The following PPA2 variants were observed in gnomAD, a reference collection of about 807,000 sequenced individuals.
PPA2 encodes inorganic pyrophosphatase 2, also known as inorganic pyrophosphatase 2, mitochondrial.
In PPA2, 48 loss-of-function variants were observed where a neutral mutation model predicts 49.5. The ratio of observed to expected loss-of-function variants is 0.97; its 90% confidence interval spans 0.77 to 1.23. The LOEUF (loss-of-function observed/expected upper bound fraction) is 1.23, where lower values mean the gene tolerates loss of function less well. PPA2 is among the 50% of genes most tolerant of loss of function. The probability of loss-of-function intolerance (pLI) is 0.00; values close to 1 mark genes in which losing one functional copy is unlikely to be tolerated. For synonymous variants in PPA2, 131 were observed against 139.9 expected, an observed-to-expected ratio of 0.94 and a Z score of 0.45; for missense variants, 429 against 410.1, an observed-to-expected ratio of 1.05 and a Z score of -0.40.
intron 9 of PPA2, among the ~76,000 whole-genome samples, chr4:105,389,691 C>A (rs1312916066): frequency 1.3e-5 from 2 of 151,932 alleles, no homozygotes; most frequent in African/African-American, 2.4e-5. Flanking sequence ...GAAGGGAAAC[C>A]ATTTTCTTCA....
At chr4:105,421,104 A>T (rs913171383) in intron 7 of PPA2, among the ~76,000 whole-genome samples, 1 of 152,208 alleles carries the variant, frequency 6.6e-6, no homozygotes, top group Admixed American at 6.5e-5. Context: ...CTGGGCAGTT[A>T]AGAGTTATTG....
chr4:105,473,885 G>A lies in PPA2; in HGVS notation c.157+9C>T, dbSNP rs1193788902. 5.7e-6 allele frequency: 9 copies of A among 1,592,584 alleles called. No individual in the cohort carries two copies. In the South Asian group the frequency reaches 8.9e-5, roughly 16 times the overall value. ...TGCGCCGCTCGGCGAACCTCCGGGA[G>A]CTACTTACTAAAGAAGAGGCGGTAA... On this transcript the variant is annotated intron_variant, in intron 1 of 11. Transcript: ENST00000341695.
intron 1 of PPA2, among the ~76,000 whole-genome samples, chr4:105,465,717 C>T (rs1371433447): frequency 6.6e-6 from 1 of 152,204 alleles, no homozygotes; most frequent in Non-Finnish European, 1.5e-5. Context: ...AGTCTTCGAG[C>T]ATTCAGTGTT....
At chr4:105,375,130 A>G (rs1420228367) in intron 10 of PPA2, among the ~76,000 whole-genome samples, 2 of 152,114 alleles carry the variant, frequency 1.3e-5, no homozygotes, top group Non-Finnish European at 2.9e-5. Flanking sequence ...ATTCATAAAG[A>G]AGACATAAAA....
intron 10 of PPA2, among the ~76,000 whole-genome samples, chr4:105,377,120 A>G (rs1397931436): frequency 6.6e-6 from 1 of 152,130 alleles, no homozygotes; most frequent in Non-Finnish European, 1.5e-5. Context: ...AGTCTCTGAA[A>G]GTAGGACTAA....
At chr4:105,407,408 G>A (rs534168101) in intron 7 of PPA2, among the ~76,000 whole-genome samples, 2 of 152,192 alleles carry the variant, frequency 1.3e-5, no homozygotes, top group East Asian at 1.9e-4. Flanking sequence ...AAATGGTAGA[G>A]CCACTCTGGT....
chr4:105,431,904 T>G (rs1199435292), intron 6 of PPA2, among the ~76,000 whole-genome samples: 2 of 152,076 alleles, frequency 1.3e-5, no homozygotes, highest in African/African-American at 2.4e-5. Flanking sequence ...GACAGTAAAT[T>G]AGTGGTTGCC....
intron 5 of PPA2, among the ~76,000 whole-genome samples, chr4:105,443,529 C>T (rs1406066336): frequency 6.8e-6 from 1 of 148,076 alleles, no homozygotes; most frequent in Non-Finnish European, 1.5e-5. Flanking sequence ...TTCTTAAAAA[C>T]ATCATTCAAT....
At position 105,369,686 on chromosome 4, in the gene PPA2, G is replaced by C. The variant is rs2110354560; in HGVS notation, c.*39C>G. 4.8e-6 allele frequency: 6 copies of C among 1,252,258 alleles called. No individual in the cohort carries two copies. The African/African-American group carries it at 6.4e-5, about 13-fold the overall frequency. The allele number at this position is 1,252,258 out of a possible 1,614,324, so 77.6% of individuals were successfully genotyped here. ...TTGTCTCTAGCACTTGGAGTCCTTA[G>C]AGATGGGAATCTTGACAGCAGAATT... is the stretch of plus-strand genomic sequence containing the variant. On this transcript the variant is annotated 3_prime_UTR_variant, in exon 12 of 12. Coordinates refer to ENST00000341695, the MANE Select transcript of PPA2 (RefSeq NM_176869.3).
intron 6 of PPA2, among the ~76,000 whole-genome samples, chr4:105,429,875 CA>C: frequency 6.6e-6 from 1 of 152,188 alleles, no homozygotes; most frequent in South Asian, 2.1e-4. Context: ...ATGATATTGA[CA>C]AAACAGGTTT....
intron 7 of PPA2, among the ~76,000 whole-genome samples, chr4:105,410,503 CAGA>C: frequency 6.6e-6 from 1 of 152,294 alleles, no homozygotes; most frequent in East Asian, 1.9e-4. Flanking sequence ...GGATATTATC[CAGA>C]AGAACTTCCC....
intron 7 of PPA2, among the ~76,000 whole-genome samples, chr4:105,409,426 C>T (rs1722646821): frequency 6.6e-6 from 1 of 152,226 alleles, no homozygotes; most frequent in Non-Finnish European, 1.5e-5. Context: ...CTCAGTGCCC[C>T]TCTGCAAGGC....
Position 105,369,640 on chromosome 4 carries a change from A to T in PPA2, c.*85T>A. ...AAAAATGAAGTTTTAACAGGAAGTC[A>T]GTAAATGCTCATAGACCCCCTTGTC... is the stretch of plus-strand genomic sequence containing the variant. On this transcript the variant is annotated 3_prime_UTR_variant, in exon 12 of 12. Coordinates refer to ENST00000341695, the MANE Select transcript of PPA2 (RefSeq NM_176869.3). 1 of 1,191,884 alleles carries T rather than the reference A, an allele frequency of 8.4e-7. No individual in the cohort carries two copies. The highest frequency in any genetic ancestry group is 1.2e-6 in the Non-Finnish European group (1 of 824,808). The allele number at this position is 1,191,884 out of a possible 1,614,324, so 73.8% of individuals were successfully genotyped here. A position where few individuals can be genotyped will look rare whatever the true frequency, so the allele number is the denominator to read the frequency against.
At position 105,457,053 on chromosome 4, in the gene PPA2, AC is replaced by A. The variant is rs550755719; in HGVS notation, c.158-309del. Among the ~76,000 whole-genome samples the A allele has an allele frequency of 5.8e-4, 89 of 152,254 alleles. 1 individual carries two copies. In the South Asian group the frequency reaches 0.013, roughly 22 times the overall value. On this transcript the variant is annotated intron_variant, in intron 1 of 11. Coordinates refer to ENST00000341695, the MANE Select transcript of PPA2 (RefSeq NM_176869.3). ...CCCAAAATACATATTAAAAAAAAAA[AC>A]ATCACTTTTGAAAAAGAAACTCATT...
chr4:105,376,783 G>A (rs1029367860), intron 10 of PPA2, among the ~76,000 whole-genome samples: 3 of 152,172 alleles, frequency 2.0e-5, no homozygotes, highest in Non-Finnish European at 4.4e-5. Context: ...TCTGAAGCAA[G>A]TCTGGGAATC....
At chr4:105,419,763 A>T in intron 7 of PPA2, among the ~76,000 whole-genome samples, 1 of 152,168 alleles carries the variant, frequency 6.6e-6, no homozygotes, top group East Asian at 1.9e-4. Flanking sequence ...AAAAAATAAA[A>T]GTTATTGTAT....
At chr4:105,438,085 A>G (rs763546588) in intron 5 of PPA2, 49 bp from the exon 6 acceptor site, 19 of 1,237,126 alleles carry the variant, frequency 1.5e-5, no homozygotes, top group African/African-American at 3.1e-5. Context: ...TAATACTATA[A>G]TGTACTTTAA....
chr4:105,377,956 G>A (rs1413012314), intron 10 of PPA2, among the ~76,000 whole-genome samples: 1 of 151,920 alleles, frequency 6.6e-6, no homozygotes, highest in East Asian at 1.9e-4. Context: ...CATTTGGGTT[G>A]TTTTCAGTTT....
chr4:105,473,898 G>A lies in PPA2; in HGVS notation c.153C>T (p.Phe51=), dbSNP rs746796350. 6.3e-7 allele frequency: 1 copy of A among 1,598,742 alleles called. No homozygotes were observed. The highest frequency in any genetic ancestry group is 1.1e-5 in the South Asian group (1 of 90,312). The change falls in exon 1 of 12, where the codon TTC becomes TTT. Residue 51 remains phenylalanine (F), a synonymous_variant. Coordinates refer to ENST00000341695, the MANE Select transcript of PPA2 (RefSeq NM_176869.3). The part of the protein sequence containing the change: ...GQPCSQNYRL[F]FKNVTGHYIS... ...GAACCTCCGGGAGCTACTTACTAAAGAAGAGGCGGTAATTCTGCGAGCAGG... is the reference window on the plus strand; with the variant it reads ...GAACCTCCGGGAGCTACTTACTAAAAAAGAGGCGGTAATTCTGCGAGCAGG...
Sources: allele counts gnomAD v4.1 joint callset (sites outside exome capture counted in the v4.1 genomes callset), GRCh38; gene constraint gnomAD v4.1.1; transcripts MANE v1.5; gene names NCBI Gene and HGNC (gene_info 2026-07-23, HGNC 2026-07-21).